Variants in NKAIN3 observed in about 807,000 individuals in gnomAD.
The protein encoded by NKAIN3 is sodium/potassium-transporting ATPase subunit beta-1-interacting protein 3.
Under a neutral mutation model 30.2 loss-of-function variants are expected in NKAIN3, and 25 were observed. The observed-to-expected ratio is 0.83, with a 90% CI of 0.60 to 1.16. The LOEUF is 1.16. NKAIN3 is among the 50% of genes most tolerant of loss of function. The pLI, the probability that NKAIN3 is intolerant of heterozygous loss-of-function variation, is 0.00. For synonymous variants in NKAIN3, 91 were observed against 89.6 expected, an observed-to-expected ratio of 1.02 and a Z score of -0.09; for missense variants, 225 against 254.1, an observed-to-expected ratio of 0.89 and a Z score of 0.78.
At chr8:62,364,443 C>T (rs532319465) in intron 1 of NKAIN3, among the ~76,000 whole-genome samples, 3 of 152,094 alleles carry the variant, frequency 2.0e-5, no homozygotes, top group East Asian at 3.9e-4. Flanking sequence ...ATTTGTTGGC[C>T]CTGCACCTAG....
At chr8:62,904,184 CT>C (rs1821704852) in intron 4 of NKAIN3, among the ~76,000 whole-genome samples, 1 of 152,132 alleles carries the variant, frequency 6.6e-6, no homozygotes, top group Admixed American at 6.5e-5. Context: ...TGAATTCAGG[CT>C]TGCTATGAGG....
At chr8:62,881,969 C>G (rs375701148) in intron 4 of NKAIN3, among the ~76,000 whole-genome samples, 1 of 152,102 alleles carries the variant, frequency 6.6e-6, no homozygotes. Flanking sequence ...GGTATCCCAT[C>G]GTTGTTTTAA....
At chr8:62,443,234 C>T (rs1430847353) in intron 1 of NKAIN3, among the ~76,000 whole-genome samples, 2 of 151,750 alleles carry the variant, frequency 1.3e-5, no homozygotes, top group Admixed American at 1.3e-4. Flanking sequence ...GTGATGATTT[C>T]TGCTTTTTTG....
intron 2 of NKAIN3, among the ~76,000 whole-genome samples, chr8:62,583,333 A>G (rs1202030862): frequency 1.3e-5 from 2 of 152,144 alleles, no homozygotes; most frequent in Non-Finnish European, 2.9e-5. Flanking sequence ...TCTTCAAAGA[A>G]AAGCATCAAC....
chr8:62,638,767 C>T (rs1812214289), intron 3 of NKAIN3, among the ~76,000 whole-genome samples: 1 of 152,122 alleles, frequency 6.6e-6, no homozygotes, highest in South Asian at 2.1e-4. Flanking sequence ...CTTCCCTAAA[C>T]CCCAGTATAG....
chr8:62,278,852 T>A (rs1859192889), intron 1 of NKAIN3, among the ~76,000 whole-genome samples: 1 of 152,230 alleles, frequency 6.6e-6, no homozygotes, highest in African/African-American at 2.4e-5. Flanking sequence ...TATGCATGTG[T>A]CTTTATAGCA....
chr8:62,934,457 T>G (rs962258031), intron 5 of NKAIN3, among the ~76,000 whole-genome samples: 1 of 152,076 alleles, frequency 6.6e-6, no homozygotes, highest in Admixed American at 6.5e-5. Context: ...CAAAAAAGTT[T>G]TTATCTGTTA....
rs1031509577 is a variant in NKAIN3 at position 62,969,980 on chromosome 8, A to T, written c.*4573A>T. Among the ~76,000 whole-genome samples, 1 of 152,176 alleles carries T rather than the reference A, an allele frequency of 6.6e-6. No homozygotes were observed. Among genetic ancestry groups the T allele is most frequent in the Non-Finnish European group, 1.5e-5 (1 of 68,036 alleles). The stretch of plus-strand genomic sequence containing the variant: ...GAAGTTGAGATGAAAGAATCACTTG[A>T]GGCCAGGAGTTCAAGACCAGCTTGG... On this transcript the variant is annotated 3_prime_UTR_variant, in exon 7 of 7. Transcript: ENST00000623646.
chr8:62,362,340 C>CT (rs5891849), intron 1 of NKAIN3, among the ~76,000 whole-genome samples: 147,622 of 152,284 alleles, frequency 0.97, 71,607 homozygotes, highest in East Asian at 1. Flanking sequence ...GGGCATGTAT[C>CT]ATCAGCTCAT....
chr8:62,409,193 G>T lies in NKAIN3; in HGVS notation c.54+160066G>T, dbSNP rs535957322. Among the ~76,000 whole-genome samples the T allele has an allele frequency of 5.3e-5, 8 of 151,578 alleles. No individual in the cohort carries two copies. The East Asian group carries it at 9.7e-4, about 18-fold the overall frequency. ...ATAATATTTATATTAACTTTTTTTT[G>T]TTGTTTTTGAGATGGAGTTTCGCTC... On this transcript the variant is annotated intron_variant, in intron 1 of 6. Transcript: ENST00000623646.
intron 4 of NKAIN3, among the ~76,000 whole-genome samples, chr8:62,890,009 T>C (rs1821256208): frequency 6.6e-6 from 1 of 152,208 alleles, no homozygotes; most frequent in African/African-American, 2.4e-5. Flanking sequence ...ACAAGCTCTA[T>C]ATTCACCTTC....
chr8:62,502,684 C>T (rs1807497877), intron 1 of NKAIN3, among the ~76,000 whole-genome samples: 1 of 152,112 alleles, frequency 6.6e-6, no homozygotes, highest in Admixed American at 6.6e-5. Context: ...CCATTATCTA[C>T]CCTCAGATGA....
chr8:62,668,014 G>C (rs1813181091), intron 3 of NKAIN3, among the ~76,000 whole-genome samples: 1 of 151,914 alleles, frequency 6.6e-6, no homozygotes, highest in Non-Finnish European at 1.5e-5. Flanking sequence ...ACATAATCCA[G>C]ATTTGGGCTC....
chr8:62,662,224 C>T (rs1156679360), intron 3 of NKAIN3, among the ~76,000 whole-genome samples: 1 of 152,210 alleles, frequency 6.6e-6, no homozygotes, highest in Non-Finnish European at 1.5e-5. Context: ...GGCTGAGCTG[C>T]CTTGGGTACT....
At chr8:62,814,032 A>G (rs984383896) in intron 4 of NKAIN3, among the ~76,000 whole-genome samples, 1 of 152,070 alleles carries the variant, frequency 6.6e-6, no homozygotes, top group African/African-American at 2.4e-5. Flanking sequence ...ATTCCCTTAC[A>G]TGTGACTTGA....
intron 3 of NKAIN3, among the ~76,000 whole-genome samples, chr8:62,619,180 G>A (rs188099075): frequency 1.3e-5 from 2 of 152,262 alleles, no homozygotes; most frequent in African/African-American, 4.8e-5. Flanking sequence ...CAAGCTCATT[G>A]GTACCTACCT....
chr8:62,660,870 AC>A (rs1261288450), intron 3 of NKAIN3, among the ~76,000 whole-genome samples: 1 of 152,122 alleles, frequency 6.6e-6, no homozygotes, highest in Non-Finnish European at 1.5e-5. Flanking sequence ...TGCAACTCGA[AC>A]CCATTCAGCC....
chr8:62,945,127 A>G (rs575713054), intron 5 of NKAIN3, among the ~76,000 whole-genome samples: 98 of 152,326 alleles, frequency 6.4e-4, no homozygotes, highest in Non-Finnish European at 1.2e-3. Flanking sequence ...ATAAAGTTTA[A>G]CTTGTAATGA....
At chr8:62,888,535 A>T (rs2130822155) in intron 4 of NKAIN3, among the ~76,000 whole-genome samples, 1 of 152,256 alleles carries the variant, frequency 6.6e-6, no homozygotes, top group South Asian at 2.1e-4. Flanking sequence ...GCATATCTCC[A>T]ATTTTGGGAG....
Sources: gnomAD v4.1 joint callset for allele counts (sites outside exome capture counted in the v4.1 genomes callset) on GRCh38, gnomAD v4.1.1 for gene constraint, MANE v1.5 for transcripts, NCBI Gene and HGNC (gene_info 2026-07-23, HGNC 2026-07-21) for gene names.